Variants in BNIP5 observed in about 807,000 individuals in gnomAD.
BNIP5 encodes BCL2 interacting protein 5, also known as protein BNIP5.
Under a neutral mutation model 67.3 loss-of-function variants are expected in BNIP5, and 61 were observed. That is an observed-to-expected ratio of 0.91 (90% CI 0.74 to 1.12). The LOEUF is 1.12. Among genes scored for constraint, BNIP5 ranks in the 50% most tolerant of loss-of-function variants. The probability of loss-of-function intolerance (pLI) is 0.00; values close to 1 mark genes in which losing one functional copy is unlikely to be tolerated. For missense variants in BNIP5, 826 were observed against 816.3 expected (o/e 1.01, Z -0.14); for synonymous variants, 317 against 319.0 (o/e 0.99, Z 0.07).
At position 36,328,644 on chromosome 6, in the gene BNIP5, G is replaced by T; in HGVS notation, c.681C>A (p.Pro227=). 6.2e-7 allele frequency: 1 copy of T among 1,614,014 alleles called. No individual in the cohort carries two copies. Among genetic ancestry groups the T allele is most frequent in the Non-Finnish European group, 8.5e-7 (1 of 1,179,918 alleles). The change falls in exon 3 of 12, where the codon CCC becomes CCA. Residue 227 remains proline, a synonymous_variant. Coordinates refer to ENST00000437635, the MANE Select transcript of BNIP5 (RefSeq NM_001010903.5). Reference sequence around the variant, plus strand: ...CTTCTTGCTGATGACCTGTGGCATGGGGAGAAACATCCAAAGCTCCAGTAC... The same window carrying T: ...CTTCTTGCTGATGACCTGTGGCATGTGGAGAAACATCCAAAGCTCCAGTAC... ...VDGTGALDVS[P]HATGHQQEEE...
intron 6 of BNIP5, among the ~76,000 whole-genome samples, chr6:36,324,729 G>A (rs368865051): frequency 2.8e-5 from 4 of 145,068 alleles, no homozygotes; most frequent in African/African-American, 1.0e-4. Context: ...CCCTCCCAAG[G>A]CCCCTACCCC....
Position 36,330,751 on chromosome 6 carries a change from T to C in BNIP5, c.-4-57A>G, listed in dbSNP as rs2127370460. ...TTTTGTTTGTTTGTTTTGATTTGTT[T>C]GTTTGTTTGTTTTGTTTGTTTTTGT... is the stretch of plus-strand genomic sequence containing the variant. On this transcript the variant is annotated intron_variant, in intron 1 of 11. Coordinates refer to ENST00000437635, the MANE Select transcript of BNIP5 (RefSeq NM_001010903.5). 4 of 1,506,820 alleles carry C rather than the reference T, an allele frequency of 2.7e-6. No individual in the cohort carries two copies. The East Asian group carries it at 6.8e-5, about 26-fold the overall frequency. 93.3% of individuals were successfully genotyped at this position (1,506,820 alleles called of 1,614,324 possible). A position where few individuals can be genotyped will look rare whatever the true frequency, so the allele number is the denominator to read the frequency against.
intron 6 of BNIP5, among the ~76,000 whole-genome samples, chr6:36,324,534 G>T (rs1413259330): frequency 7.8e-6 from 1 of 129,028 alleles, no homozygotes; most frequent in Non-Finnish European, 1.6e-5. Context: ...GGGGATAGGG[G>T]GCAGAGATCT....
At chr6:36,332,655 T>C (rs1353774641) in intron 1 of BNIP5, among the ~76,000 whole-genome samples, 1 of 152,112 alleles carries the variant, frequency 6.6e-6, no homozygotes, top group East Asian at 1.9e-4. Context: ...CAGTGGGGGC[T>C]CTTCCATTCT....
intron 1 of BNIP5, 66 bp from the exon 2 acceptor site, chr6:36,330,760 GTTTT>G: frequency 6.7e-6 from 10 of 1,496,014 alleles, no homozygotes; most frequent in East Asian, 2.3e-5. Context: ...TTGTTTGTTT[GTTTT>G]GTTTGTTTTT....
intron 9 of BNIP5, 82 bp downstream of exon 9, chr6:36,322,229 C>A (rs1403832624): frequency 6.4e-7 from 1 of 1,552,588 alleles, no homozygotes; most frequent in Admixed American, 1.7e-5. Flanking sequence ...TCCTCAGAAC[C>A]ATCCCCTATT....
rs1394623964 is a variant in BNIP5, at chr6:36,330,666, T to A, written c.25A>T (p.Arg9Trp). 1 of 1,590,594 alleles carries A rather than the reference T, an allele frequency of 6.3e-7. No homozygotes were observed. Among genetic ancestry groups the A allele is most frequent in the Admixed American group, 1.7e-5 (1 of 57,874 alleles). The change falls in exon 2 of 12, where the codon AGG (arginine) becomes TGG (tryptophan). Residue 9 changes from arginine to tryptophan, a missense_variant. By Grantham distance (101) the Arg-to-Trp change is moderately radical (BLOSUM62 -3). Coordinates refer to ENST00000437635, the MANE Select transcript of BNIP5 (RefSeq NM_001010903.5). ...CTGGCTTTCTTCTCCGCCAGGGGCC[T>A]CCTTGGGCACCTTGGATTCTCCATC... Reference protein sequence around the residue: MENPRCPRRPLAEKKARSL... With the variant: MENPRCPRWPLAEKKARSL...
rs1772026069 is a variant in BNIP5 at position 36,336,858 on chromosome 6, C to T, written c.-151G>A. 1 of 152,228 alleles carries T rather than the reference C, an allele frequency of 6.6e-6. No homozygotes were observed. Among genetic ancestry groups the T allele is most frequent in the Admixed American group, 6.5e-5 (1 of 15,278 alleles). 9.4% of individuals were successfully genotyped at this position (152,228 alleles called of 1,614,324 possible). ...CAGCTCTCCCAGGGAGAAGATGCCA[C>T]TACTTTGGTGCTGGCAATTTTCTGA... is the stretch of plus-strand genomic sequence containing the variant. On this transcript the variant is annotated 5_prime_UTR_variant, in exon 1 of 12. It adds an upstream start codon to the 5' untranslated region. Transcript: ENST00000437635.
intron 11 of BNIP5, among the ~76,000 whole-genome samples, chr6:36,318,547 C>CAAA (rs77618541): frequency 7.7e-6 from 1 of 130,256 alleles, no homozygotes; most frequent in Non-Finnish European, 1.7e-5. Flanking sequence ...ATCTCTATAC[C>CAAA]AAAAAAAAAA....
chr6:36,324,253 T>A, intron 6 of BNIP5, 63 bp from the exon 7 acceptor site: 4 of 1,448,500 alleles, frequency 2.8e-6, no homozygotes, highest in Non-Finnish European at 3.9e-6. Context: ...CGGTCAGTCT[T>A]CATTTCCTAA....
intron 8 of BNIP5, 147 bp downstream of exon 8, chr6:36,323,146 C>T (rs1383845005): frequency 8.5e-7 from 1 of 1,177,608 alleles, no homozygotes; most frequent in Non-Finnish European, 1.2e-6. Context: ...ACACCCCCCA[C>T]TCTACTCAGC....
In BNIP5 at chr6:36,317,081, A is replaced by G; in HGVS notation, c.*275T>C. ...GGGAATGTGTAGAGGGTCATGCAGC[A>G]AGTCTGGGGTAGGTTCAGCAGGTAG... On this transcript the variant is annotated 3_prime_UTR_variant, in exon 12 of 12. Coordinates refer to ENST00000437635, the MANE Select transcript of BNIP5 (RefSeq NM_001010903.5). 1 of 546,244 alleles carries G rather than the reference A, an allele frequency of 1.8e-6. No homozygotes were observed. Among genetic ancestry groups the G allele is most frequent in the South Asian group, 2.6e-5 (1 of 38,088 alleles). The allele number at this position is 546,244 out of a possible 1,614,324, so 33.8% of individuals were successfully genotyped here.
At position 36,315,848 on chromosome 6, in the gene BNIP5, T is replaced by A. The variant is rs892080006; in HGVS notation, c.*1508A>T. Reference sequence around the variant, plus strand: ...ATCAGGAGCACATACCAAATACTCATAGGGCTTAAAGAACATCATTCCAAA... The same window carrying A: ...ATCAGGAGCACATACCAAATACTCAAAGGGCTTAAAGAACATCATTCCAAA... On this transcript the variant is annotated 3_prime_UTR_variant, in exon 12 of 12. Transcript: ENST00000437635. 7 of 152,634 alleles carry A rather than the reference T, an allele frequency of 4.6e-5. No individual in the cohort carries two copies. Among genetic ancestry groups the A allele is most frequent in the Admixed American group, 2.6e-4 (4 of 15,288 alleles). 9.5% of individuals were successfully genotyped at this position (152,634 alleles called of 1,614,324 possible).
chr6:36,323,644 T>A, intron 7 of BNIP5, 111 bp from the exon 8 acceptor site: 1 of 1,219,082 alleles, frequency 8.2e-7, no homozygotes, highest in Non-Finnish European at 1.2e-6. Flanking sequence ...CAGAGAAGAG[T>A]GGTTGATGCT....
chr6:36,323,389 C>A lies in BNIP5; in HGVS notation c.1375G>T (p.Ala459Ser), dbSNP rs772727746. Residue 459 changes from alanine to serine, a missense_variant, in exon 8 of 12, where the codon GCA (alanine) becomes TCA (serine). Ala to Ser is a moderately conservative substitution (Grantham distance 99). Coordinates refer to ENST00000437635, the MANE Select transcript of BNIP5 (RefSeq NM_001010903.5). ...TSKEPRRAGAAGAASPEARRP... is the reference protein window; with the variant it reads ...TSKEPRRAGASGAASPEARRP... ...CGGGCCTCTGGGCTGGCAGCCCCTG[C>A]TGCCCCCGCTCTTCTGGGTTCCTTG... 3 of 1,614,178 alleles carry A rather than the reference C, an allele frequency of 1.9e-6. No individual in the cohort carries two copies. The South Asian group carries it at 3.3e-5, about 18-fold the overall frequency.
intron 1 of BNIP5, among the ~76,000 whole-genome samples, chr6:36,335,655 T>C (rs564566681): frequency 1.3e-5 from 2 of 152,326 alleles, no homozygotes; most frequent in South Asian, 4.1e-4. Context: ...CTCACCTTCA[T>C]GCAGCCACAC....
In BNIP5 at chr6:36,316,634, A is replaced by G. The variant is rs1424023988; in HGVS notation, c.*722T>C. 2 of 398,600 alleles carry G rather than the reference A, an allele frequency of 5.0e-6. No homozygotes were observed. Among genetic ancestry groups the G allele is most frequent in the African/African-American group, 4.1e-5 (2 of 48,628 alleles). The allele number at this position is 398,600 out of a possible 1,614,324, so 24.7% of individuals were successfully genotyped here. A position where few individuals can be genotyped will look rare whatever the true frequency, so the allele number is the denominator to read the frequency against. ...AAAAGAAGCTATAGTGCCTACATGG[A>G]CATGGCACTAGGTAATTTTCAGAAC... On this transcript the variant is annotated 3_prime_UTR_variant, in exon 12 of 12. Transcript: ENST00000437635.
intron 11 of BNIP5, among the ~76,000 whole-genome samples, chr6:36,317,626 A>G (rs1771549888): frequency 6.6e-6 from 1 of 152,130 alleles, no homozygotes; most frequent in Admixed American, 6.5e-5. Flanking sequence ...GGCTCCCAGG[A>G]CCTACTTGCT....
At chr6:36,329,993 G>A (rs927875798) in intron 2 of BNIP5, 88 bp downstream of exon 2, 4 of 1,437,342 alleles carry the variant, frequency 2.8e-6, no homozygotes, top group African/African-American at 2.8e-5. Flanking sequence ...CAGCTCCCCC[G>A]ACTATCCCTG....
Sources: allele counts gnomAD v4.1 joint callset (sites outside exome capture counted in the v4.1 genomes callset), GRCh38; gene constraint gnomAD v4.1.1; transcripts MANE v1.5; gene names NCBI Gene and HGNC (gene_info 2026-07-23, HGNC 2026-07-21).